Variants in TNFRSF21 observed in about 807,000 individuals in gnomAD.
TNFRSF21 encodes TNF receptor superfamily member 21, also known as tumor necrosis factor receptor superfamily member 21.
Under a neutral mutation model 45.6 loss-of-function variants are expected in TNFRSF21, and 19 were observed. That is an observed-to-expected ratio of 0.42 (90% CI 0.29 to 0.61). The LOEUF (loss-of-function observed/expected upper bound fraction) is 0.61. Ranked by LOEUF, TNFRSF21 falls within the 20% of genes least tolerant of loss-of-function variation. The probability of loss-of-function intolerance (pLI) is 0.23; values close to 1 mark genes in which losing one functional copy is unlikely to be tolerated. For synonymous variants in TNFRSF21, 314 were observed against 335.5 expected (o/e 0.94, Z 0.70); for missense variants, 737 against 851.5 (o/e 0.87, Z 1.67).
At chr6:47,298,805 G>A (rs1762823508) in intron 1 of TNFRSF21, among the ~76,000 whole-genome samples, 1 of 152,148 alleles carries the variant, frequency 6.6e-6, no homozygotes, top group Admixed American at 6.5e-5. Context: ...TGGTCTAAAA[G>A]TTTAGAAAGT....
intron 1 of TNFRSF21, among the ~76,000 whole-genome samples, chr6:47,295,501 G>A (rs767216740): frequency 2.8e-4 from 42 of 152,166 alleles, no homozygotes; most frequent in Admixed American, 1.2e-3. Context: ...GCCCGTTACC[G>A]TAGAGATGAT....
intron 4 of TNFRSF21, 138 bp from the exon 5 acceptor site, chr6:47,235,036 T>C (rs1174713459): frequency 4.1e-6 from 2 of 486,946 alleles, no homozygotes; most frequent in Non-Finnish European, 6.9e-6. Flanking sequence ...CCTTAACTTA[T>C]TTATATGATT....
chr6:47,283,835 A>C, intron 3 of TNFRSF21, 103 bp downstream of exon 3: 2 of 1,456,900 alleles, frequency 1.4e-6, no homozygotes, highest in Non-Finnish European at 9.3e-7. Context: ...TGGTCTACAA[A>C]GGAGATTCCA....
chr6:47,286,329 T>C lies in TNFRSF21; in HGVS notation c.363A>G (p.Leu121=), dbSNP rs1762648381. 4.3e-6 allele frequency: 7 copies of C among 1,614,102 alleles called. No homozygotes were observed. Among genetic ancestry groups the C allele is most frequent in the Non-Finnish European group, 5.1e-6 (6 of 1,180,016 alleles). The change falls in exon 2 of 6, where the codon TTA becomes TTG. Residue 121 remains leucine, a synonymous_variant. Transcript: ENST00000296861. ...QPCPWPMIEK[L]PCAALTDREC... ...CTCGGTCAGTCAAGGCAGCACAAGG[T>C]AATTTCTCAATCATTGGCCATGGGC...
chr6:47,266,714 G>C (rs1762336845), intron 3 of TNFRSF21, among the ~76,000 whole-genome samples: 1 of 152,130 alleles, frequency 6.6e-6, no homozygotes, highest in African/African-American at 2.4e-5. Flanking sequence ...GTTGGTTGTA[G>C]GTTGTTTTCA....
intron 1 of TNFRSF21, among the ~76,000 whole-genome samples, chr6:47,289,435 T>C (rs145059799): frequency 1.1e-4 from 17 of 152,202 alleles, no homozygotes; most frequent in Non-Finnish European, 2.2e-4. Flanking sequence ...CTTATGAGGG[T>C]ATATTCATTT....
At chr6:47,293,522 A>G (rs1762755607) in intron 1 of TNFRSF21, among the ~76,000 whole-genome samples, 1 of 152,224 alleles carries the variant, frequency 6.6e-6, no homozygotes, top group African/African-American at 2.4e-5. Context: ...TACATGCTGG[A>G]TAATATACTA....
chr6:47,294,703 T>A (rs977266321), intron 1 of TNFRSF21, among the ~76,000 whole-genome samples: 4 of 152,108 alleles, frequency 2.6e-5, no homozygotes, highest in African/African-American at 9.7e-5. Flanking sequence ...CTTTCTTTTT[T>A]TTTTGAGGGG....
At chr6:47,284,457 G>A (rs775849694) in intron 2 of TNFRSF21, 25 bp from the exon 3 acceptor site, 41 of 1,504,972 alleles carry the variant, frequency 2.7e-5, no homozygotes, top group Middle Eastern at 1.8e-4. Context: ...AAGGAGGGGG[G>A]AAGAGCTTTT....
intron 1 of TNFRSF21, among the ~76,000 whole-genome samples, chr6:47,289,852 G>T (rs1762697793): frequency 6.6e-6 from 1 of 152,150 alleles, no homozygotes; most frequent in African/African-American, 2.4e-5. Flanking sequence ...AAATTAGCCA[G>T]ATGTGGTGGA....
chr6:47,275,505 G>A (rs150864611), intron 3 of TNFRSF21, among the ~76,000 whole-genome samples: 1 of 152,256 alleles, frequency 6.6e-6, no homozygotes, highest in Admixed American at 6.5e-5. Flanking sequence ...GGCCTGTTGG[G>A]GGGTGGCGGA....
intron 3 of TNFRSF21, among the ~76,000 whole-genome samples, chr6:47,258,677 G>C (rs1338973137): frequency 6.6e-6 from 1 of 152,092 alleles, no homozygotes; most frequent in African/African-American, 2.4e-5. Context: ...GACCTCAAGT[G>C]ATCTGCCCAC....
At chr6:47,252,286 T>C (rs564758022) in intron 4 of TNFRSF21, among the ~76,000 whole-genome samples, 9 of 152,350 alleles carry the variant, frequency 5.9e-5, no homozygotes, top group Non-Finnish European at 1.2e-4. Flanking sequence ...ACTGGAATAA[T>C]AACACAGACC....
At chr6:47,246,301 A>T (rs935469748) in intron 4 of TNFRSF21, among the ~76,000 whole-genome samples, 2 of 152,254 alleles carry the variant, frequency 1.3e-5, no homozygotes, top group African/African-American at 2.4e-5. Context: ...ACAATGTAGA[A>T]TTCAAATTCC....
In TNFRSF21 at chr6:47,309,712, G is replaced by A; in HGVS notation, c.-201C>T. On this transcript the variant is annotated 5_prime_UTR_variant, in exon 1 of 6. Coordinates refer to ENST00000296861, the MANE Select transcript of TNFRSF21 (RefSeq NM_014452.5). ...TAGGGGCGCTCAGCACCTGCCCAGC[G>A]GCGCGGCCGCCCAGGCGGGGAGAAG... 1 of 697,258 alleles carries A rather than the reference G, an allele frequency of 1.4e-6. No homozygotes were observed. 43.2% of individuals were successfully genotyped at this position (697,258 alleles called of 1,614,324 possible). A position where few individuals can be genotyped will look rare whatever the true frequency, so the allele number is the denominator to read the frequency against.
chr6:47,281,984 C>T (rs1443940744), intron 3 of TNFRSF21, among the ~76,000 whole-genome samples: 1 of 152,088 alleles, frequency 6.6e-6, no homozygotes, highest in Non-Finnish European at 1.5e-5. Context: ...TGACTTTTGA[C>T]CATCTACATC....
chr6:47,289,454 G>A (rs975734078), intron 1 of TNFRSF21, among the ~76,000 whole-genome samples: 4 of 151,770 alleles, frequency 2.6e-5, no homozygotes, highest in Admixed American at 6.6e-5. Flanking sequence ...TTTTTCTGTC[G>A]AGACCCTCCC....
At chr6:47,300,058 A>G (rs34466624) in intron 1 of TNFRSF21, among the ~76,000 whole-genome samples, 2 of 152,220 alleles carry the variant, frequency 1.3e-5, no homozygotes, top group Admixed American at 6.5e-5. Flanking sequence ...TGGAAGACCA[A>G]AGAGACAGCA....
At chr6:47,264,114 T>A (rs1018421447) in intron 3 of TNFRSF21, among the ~76,000 whole-genome samples, 1 of 152,220 alleles carries the variant, frequency 6.6e-6, no homozygotes, top group African/African-American at 2.4e-5. Flanking sequence ...TTTAGATTTT[T>A]TTTTCCTATT....
Sources: allele counts gnomAD v4.1 joint callset (sites outside exome capture counted in the v4.1 genomes callset), GRCh38; gene constraint gnomAD v4.1.1; transcripts MANE v1.5; gene names NCBI Gene and HGNC (gene_info 2026-07-23, HGNC 2026-07-21).